The following FMN1 variants were observed in gnomAD, a reference collection of about 807,000 sequenced individuals.
FMN1 encodes formin-1.
FMN1 carries 110 observed loss-of-function variants against 132.4 expected under a neutral mutation model. The ratio of observed to expected loss-of-function variants is 0.83; its 90% CI spans 0.71 to 0.97. FMN1 has a LOEUF of 0.97. Among genes scored for constraint, FMN1 ranks in the 50% least tolerant of loss-of-function variants. The probability of loss-of-function intolerance (pLI) is 0.00; values close to 1 mark genes in which losing one functional copy is unlikely to be tolerated. For synonymous variants in FMN1, 722 were observed against 651.7 expected, an observed-to-expected ratio of 1.11 and a Z score of -1.64; for missense variants, 1,792 against 1,705.3, an observed-to-expected ratio of 1.05 and a Z score of -0.90.
intron 4 of FMN1, among the ~76,000 whole-genome samples, chr15:33,145,938 A>G (rs937725537): frequency 6.6e-6 from 1 of 151,536 alleles, no homozygotes; most frequent in African/African-American, 2.4e-5. Context: ...GAATGAACTG[A>G]TTTGTGACTT....
At chr15:33,033,974 C>A (rs1443156895) in intron 6 of FMN1, among the ~76,000 whole-genome samples, 1 of 152,066 alleles carries the variant, frequency 6.6e-6, no homozygotes, top group Non-Finnish European at 1.5e-5. Context: ...CATTTCTCCT[C>A]TTCATCTCAG....
intron 5 of FMN1, 31 bp from the exon 6 acceptor site, chr15:33,065,105 A>C (rs1231793849): frequency 2.7e-6 from 4 of 1,485,910 alleles, no homozygotes; most frequent in Non-Finnish European, 3.7e-6. Context: ...TAGTAAGTGG[A>C]ATGTAGTCAG....
chr15:32,913,692 A>C (rs929106710), intron 10 of FMN1, among the ~76,000 whole-genome samples: 1 of 152,180 alleles, frequency 6.6e-6, no homozygotes, highest in African/African-American at 2.4e-5. Flanking sequence ...GGTATACTTT[A>C]AGAATCTGTG....
intron 17 of FMN1, among the ~76,000 whole-genome samples, chr15:32,822,726 A>G (rs146343408): frequency 4.0e-5 from 6 of 151,776 alleles, no homozygotes; most frequent in African/African-American, 1.2e-4. Flanking sequence ...AGTATTTCTT[A>G]CTCTCTTTTA....
intron 15 of FMN1, among the ~76,000 whole-genome samples, chr15:32,892,478 T>C (rs1392627456): frequency 1.3e-5 from 2 of 152,204 alleles, no homozygotes; most frequent in African/African-American, 4.8e-5. Flanking sequence ...TGTTAAGGAT[T>C]TTACCATCTA....
intron 6 of FMN1, among the ~76,000 whole-genome samples, chr15:33,037,696 A>AATC (rs908778684): frequency 6.6e-6 from 1 of 152,234 alleles, no homozygotes; most frequent in Non-Finnish European, 1.5e-5. Flanking sequence ...TGTCAGCTGT[A>AATC]ATCATGCACA....
At chr15:33,068,147 A>C in intron 5 of FMN1, 2 of 619,678 alleles carry the variant, frequency 3.2e-6, no homozygotes, top group Non-Finnish European at 4.8e-6. Context: ...GCACCTTACT[A>C]CACACGGACC....
chr15:33,130,205 C>CT (rs1963479951), intron 4 of FMN1, among the ~76,000 whole-genome samples: 1 of 152,148 alleles, frequency 6.6e-6, no homozygotes, highest in African/African-American at 2.4e-5. Flanking sequence ...GATTGCCCTG[C>CT]TAGCATTTTC....
chr15:33,004,349 A>G (rs1190971797), intron 7 of FMN1, among the ~76,000 whole-genome samples: 1 of 152,214 alleles, frequency 6.6e-6, no homozygotes, highest in Non-Finnish European at 1.5e-5. Flanking sequence ...ATTTACAAGA[A>G]AAAAACAACC....
At chr15:32,929,247 T>G (rs2061041958) in intron 9 of FMN1, among the ~76,000 whole-genome samples, 2 of 152,176 alleles carry the variant, frequency 1.3e-5, no homozygotes, top group Admixed American at 1.3e-4. Context: ...TTAAGTAAAT[T>G]TTCAAAAAGA....
At chr15:33,128,848 C>T (rs1326097288) in intron 4 of FMN1, among the ~76,000 whole-genome samples, 4 of 152,232 alleles carry the variant, frequency 2.6e-5, no homozygotes, top group African/African-American at 7.2e-5. Context: ...GGAAGACAAC[C>T]GGAGCAGACT....
intron 9 of FMN1, among the ~76,000 whole-genome samples, chr15:32,933,188 TG>T (rs1429650129): frequency 6.6e-6 from 1 of 152,196 alleles, no homozygotes; most frequent in African/African-American, 2.4e-5. Context: ...TGTTTCTGTT[TG>T]TCACAAGATA....
At chr15:33,079,853 A>G (rs1382803716) in intron 5 of FMN1, among the ~76,000 whole-genome samples, 2 of 152,180 alleles carry the variant, frequency 1.3e-5, no homozygotes, top group Non-Finnish European at 1.5e-5. Context: ...CTGCTTTATC[A>G]TGACTTAAAG....
At chr15:33,087,617 C>A (rs2038746066) in intron 5 of FMN1, among the ~76,000 whole-genome samples, 1 of 152,110 alleles carries the variant, frequency 6.6e-6, no homozygotes, top group Non-Finnish European at 1.5e-5. Context: ...AAAAGTAGAT[C>A]CATCATTTGA....
intron 16 of FMN1, among the ~76,000 whole-genome samples, chr15:32,858,469 A>G (rs984434088): frequency 3.3e-5 from 5 of 152,204 alleles, no homozygotes; most frequent in African/African-American, 1.2e-4. Context: ...AATCACCTAC[A>G]TTTTCAGAGG....
At chr15:33,010,133 C>G (rs1338255723) in intron 6 of FMN1, among the ~76,000 whole-genome samples, 3 of 152,156 alleles carry the variant, frequency 2.0e-5, no homozygotes, top group African/African-American at 7.2e-5. Flanking sequence ...ATTCACCCCC[C>G]TCGGCTTCTC....
chr15:32,909,097 C>T (rs745673137), intron 11 of FMN1, among the ~76,000 whole-genome samples: 1 of 152,178 alleles, frequency 6.6e-6, no homozygotes, highest in African/African-American at 2.4e-5. Context: ...CTCAATTTAT[C>T]CAACTATTTC....
intron 9 of FMN1, among the ~76,000 whole-genome samples, chr15:32,942,347 A>G (rs948532636): frequency 2.0e-5 from 3 of 152,250 alleles, no homozygotes; most frequent in Non-Finnish European, 2.9e-5. Flanking sequence ...AACCTCAGCT[A>G]GAAAAGTTCT....
At chr15:33,044,281 G>A (rs889117822) in intron 6 of FMN1, among the ~76,000 whole-genome samples, 4 of 152,214 alleles carry the variant, frequency 2.6e-5, no homozygotes, top group Admixed American at 2.0e-4. Flanking sequence ...AGGTTCCTGG[G>A]TGAAAAGGGG....
Sources: gnomAD v4.1 joint callset for allele counts (sites outside exome capture counted in the v4.1 genomes callset) on GRCh38, gnomAD v4.1.1 for gene constraint, MANE v1.5 for transcripts, NCBI Gene and HGNC (gene_info 2026-07-23, HGNC 2026-07-21) for gene names.